Variants in RRBP1 observed in about 807,000 individuals in gnomAD.
RRBP1 encodes the protein ribosome binding protein 1.
Under a neutral mutation model 165.2 loss-of-function variants are expected in RRBP1, and 94 were observed. The observed-to-expected ratio is 0.57, with a 90% confidence interval of 0.48 to 0.68. The LOEUF (loss-of-function observed/expected upper bound fraction) is 0.68. Among genes scored for constraint, RRBP1 ranks in the 30% least tolerant of loss-of-function variants. RRBP1 has a pLI of 0.00. For synonymous variants in RRBP1, 680 were observed against 714.5 expected (o/e 0.95, Z 0.77); for missense variants, 1,676 against 1,763.0 (o/e 0.95, Z 0.88).
At chr20:17,668,132 T>G (rs947015512) in intron 2 of RRBP1, among the ~76,000 whole-genome samples, 1 of 152,244 alleles carries the variant, frequency 6.6e-6, no homozygotes, top group Non-Finnish European at 1.5e-5. Flanking sequence ...GTGCTGAGTG[T>G]GAGGAGTTAT....
chr20:17,620,541 G>C, intron 17 of RRBP1, 171 bp from the exon 18 acceptor site: 1 of 809,486 alleles, frequency 1.2e-6, no homozygotes, highest in Non-Finnish European at 2.1e-6. Context: ...TTCCTAGGCG[G>C]GGGCCTCCTG....
At chr20:17,646,940 A>C (rs1162343095) in intron 3 of RRBP1, among the ~76,000 whole-genome samples, 1 of 152,202 alleles carries the variant, frequency 6.6e-6, no homozygotes, top group Non-Finnish European at 1.5e-5. Flanking sequence ...GCACCCCTGC[A>C]CTGTGCACAC....
chr20:17,625,662 C>G, intron 11 of RRBP1, 60 bp from the exon 12 acceptor site: 1 of 1,362,696 alleles, frequency 7.3e-7, no homozygotes, highest in Non-Finnish European at 1.0e-6. Flanking sequence ...CCTACAGATC[C>G]CACCTGAGGC....
At chr20:17,631,298 A>G (rs574323630) in intron 8 of RRBP1, among the ~76,000 whole-genome samples, 1 of 152,328 alleles carries the variant, frequency 6.6e-6, no homozygotes, top group South Asian at 2.1e-4. Context: ...GGAAGAAAAC[A>G]CACCAGCTGC....
At chr20:17,668,598 G>A (rs2036914341) in intron 2 of RRBP1, among the ~76,000 whole-genome samples, 1 of 152,208 alleles carries the variant, frequency 6.6e-6, no homozygotes, top group Non-Finnish European at 1.5e-5. Flanking sequence ...GGACAAAACA[G>A]ATAAATTCTT....
At position 17,642,984 on chromosome 20, in the gene RRBP1, G is replaced by T. The variant is rs753940022; in HGVS notation, c.2056C>A (p.His686Asn). 6.2e-7 allele frequency: 1 copy of T among 1,613,678 alleles called. No homozygotes were observed. Residue 686 changes from histidine (H) to asparagine (N), a missense_variant, in exon 4 of 25, where the codon CAC becomes AAC. Physicochemically the swap from His to Asn is moderately conservative, Grantham distance 68. Around this residue, in one of 5 missense-constraint regions of RRBP1, gnomAD observed 1,184 missense variants for 1,167.1 expected, o/e 1.01. Transcript: ENST00000377813. ...EKAGIIQDTW[H>N]KATQKGDPVA... ...CAGCAGGAGGGTGGGCCCACCTTGT[G>T]CCAGGTGTCCTGAATGATGCCAGCC...
chr20:17,617,438 G>C (rs1165911790), intron 20 of RRBP1, among the ~76,000 whole-genome samples: 2 of 152,240 alleles, frequency 1.3e-5, no homozygotes, highest in Non-Finnish European at 2.9e-5. Flanking sequence ...GGGAACATGG[G>C]CGGTCTCTGA....
chr20:17,629,887 C>G lies in RRBP1; in HGVS notation c.2685G>C (p.Gln895His). 6.2e-7 allele frequency: 1 copy of G among 1,600,448 alleles called. No individual in the cohort carries two copies. Among genetic ancestry groups the G allele is most frequent in the South Asian group, 1.1e-5 (1 of 91,064 alleles). ...CCGCCCGGAGGCTGGCGTGGCTGCT[C>G]TGCGTGTGGCACAGCTCCCGGCTGA... ...DEVSRELCHT[Q>H]SSHASLRADA... The change falls in exon 9 of 25, where the codon CAG becomes CAC. Residue 895 changes from glutamine to histidine, a missense_variant. By Grantham distance (24) the Gln-to-His change is conservative. Around this residue, in one of 5 missense-constraint regions of RRBP1, gnomAD observed 1,184 missense variants for 1,167.1 expected, o/e 1.01. Transcript: ENST00000377813.
At chr20:17,641,252 G>C (rs1036366960) in intron 5 of RRBP1, among the ~76,000 whole-genome samples, 2 of 152,250 alleles carry the variant, frequency 1.3e-5, no homozygotes, top group South Asian at 2.1e-4. Context: ...ACCGTTTGCT[G>C]TTCAGAGTGC....
intron 24 of RRBP1, 130 bp from the exon 25 acceptor site, chr20:17,614,350 C>T (rs930147947): frequency 2.4e-6 from 2 of 828,404 alleles, no homozygotes; most frequent in African/African-American, 1.7e-5. Flanking sequence ...CCTCAGAGAA[C>T]AGGAGCCACA....
At chr20:17,632,615 A>G (rs546953407) in intron 8 of RRBP1, among the ~76,000 whole-genome samples, 1 of 152,316 alleles carries the variant, frequency 6.6e-6, no homozygotes, top group East Asian at 1.9e-4. Flanking sequence ...GCCCCCACGC[A>G]CTACAGCCTG....
intron 11 of RRBP1, 88 bp from the exon 12 acceptor site, chr20:17,625,690 A>T (rs1430921243): frequency 9.0e-7 from 1 of 1,110,764 alleles, no homozygotes; most frequent in South Asian, 1.3e-5. Context: ...AGGGAGGAGT[A>T]CCTTCGAGGC....
At position 17,658,934 on chromosome 20, in the gene RRBP1, G is replaced by GCC. The variant is rs759365544; in HGVS notation, c.1572_1573dup (p.Ala525GlyfsTer37). ...ACTCCTTTCTGCCTTTTTGCCCTGAGCCCCTTCTGTCTTTTTACCCTGATT... is the reference window on the plus strand; with the variant it reads ...ACTCCTTTCTGCCTTTTTGCCCTGAGCCCCCCTTCTGTCTTTTTACCCTGATT... On this transcript the variant is annotated frameshift_variant, in exon 3 of 25. Coordinates refer to ENST00000377813, the MANE Select transcript of RRBP1 (RefSeq NM_001365613.2). LOFTEE classifies it high-confidence loss of function. 1 of 1,612,806 alleles carries GCC rather than the reference G, an allele frequency of 6.2e-7. No individual in the cohort carries two copies. The highest frequency in any genetic ancestry group is 1.7e-5 in the Admixed American group (1 of 60,012).
intron 3 of RRBP1, among the ~76,000 whole-genome samples, chr20:17,647,503 A>G (rs2036485102): frequency 6.6e-6 from 1 of 152,178 alleles, no homozygotes; most frequent in Non-Finnish European, 1.5e-5. Flanking sequence ...AATTTGAGAA[A>G]AAGATTTCAG....
intron 13 of RRBP1, among the ~76,000 whole-genome samples, chr20:17,623,901 C>G (rs1409300248): frequency 6.6e-6 from 1 of 151,594 alleles, no homozygotes; most frequent in Non-Finnish European, 1.5e-5. Context: ...CACTGCACTC[C>G]AGCCTGGGCG....
chr20:17,658,605 C>T lies in RRBP1; in HGVS notation c.1903G>A (p.Gly635Ser), dbSNP rs775049545. ...GAAATCAGTTACTTACCAGGCTCAC[C>T]TTTTTTCTTTGAACCAGACTTCTTC... ...AKKKSGSKKKGEPGPPDADGP... is the reference protein window; with the variant it reads ...AKKKSGSKKKSEPGPPDADGP... Residue 635 changes from glycine (G) to serine (S), a missense_variant, in exon 3 of 25, where the codon GGT becomes AGT. Physicochemically the swap from Gly to Ser is moderately conservative, Grantham distance 56. Around this residue, in one of 5 missense-constraint regions of RRBP1, gnomAD observed 1,184 missense variants for 1,167.1 expected, o/e 1.01. Transcript: ENST00000377813. 2.5e-6 allele frequency: 4 copies of T among 1,590,094 alleles called. No homozygotes were observed. The highest frequency in any genetic ancestry group is 2.3e-5 in the South Asian group (2 of 87,918).
Position 17,616,022 on chromosome 20 carries a change from C to G in RRBP1, c.3868-13G>C, listed in dbSNP as rs1023635592. 6.2e-7 allele frequency: 1 copy of G among 1,601,978 alleles called. No individual in the cohort carries two copies. The highest frequency in any genetic ancestry group is 1.7e-5 in the Admixed American group (1 of 59,864). ...GCTGCGTCTTCAGCTGTGCAAACAC[C>G]GCAAACATAACCCGGCAGCCCGGTG... On this transcript the variant is annotated splice_polypyrimidine_tract_variant and intron_variant, in intron 21 of 24. Transcript: ENST00000377813.
At chr20:17,647,736 C>G (rs2036489338) in intron 3 of RRBP1, among the ~76,000 whole-genome samples, 1 of 152,156 alleles carries the variant, frequency 6.6e-6, no homozygotes, top group Non-Finnish European at 1.5e-5. Context: ...ACTCCAGTGG[C>G]AAAAACTCTC....
chr20:17,625,622 T>A lies in RRBP1; in HGVS notation c.2964-20A>T, dbSNP rs562157386. 4 of 1,606,868 alleles carry A rather than the reference T, an allele frequency of 2.5e-6. No homozygotes were observed. The highest frequency in any genetic ancestry group is 4.5e-5 in the East Asian group (2 of 44,832). On this transcript the variant is annotated intron_variant, in intron 11 of 24. Coordinates refer to ENST00000377813, the MANE Select transcript of RRBP1 (RefSeq NM_001365613.2). ...TTGAGGCTGAAGGGACACAACGAGGTCACCGCCTAGGCTCCAAGGGGCTAC... is the reference window on the plus strand; with the variant it reads ...TTGAGGCTGAAGGGACACAACGAGGACACCGCCTAGGCTCCAAGGGGCTAC...
Sources: allele counts gnomAD v4.1 joint callset (sites outside exome capture counted in the v4.1 genomes callset), GRCh38; gene constraint gnomAD v4.1.1; regional missense constraint gnomAD v4.1.1; transcripts MANE v1.5; gene names NCBI Gene and HGNC (gene_info 2026-07-23, HGNC 2026-07-21).